PARD3B: variants seen among roughly 807,000 people sequenced by gnomAD.
PARD3B encodes the protein par-3 family cell polarity regulator beta.
PARD3B carries 103 observed loss-of-function variants against 130.2 expected under a neutral mutation model. The observed-to-expected ratio is 0.79, with a 90% confidence interval of 0.67 to 0.93. The LOEUF (loss-of-function observed/expected upper bound fraction) is 0.93. Among genes scored for constraint, PARD3B ranks in the 40% least tolerant of loss-of-function variants. PARD3B has a pLI of 0.00. For synonymous variants in PARD3B, 583 were observed against 553.2 expected, an observed-to-expected ratio of 1.05 and a Z score of -0.76; for missense variants, 1,609 against 1,499.2, an observed-to-expected ratio of 1.07 and a Z score of -1.21.
chr2:205,358,662 C>T (rs960246712), intron 18 of PARD3B, among the ~76,000 whole-genome samples: 1 of 152,150 alleles, frequency 6.6e-6, no homozygotes, highest in Non-Finnish European at 1.5e-5. Flanking sequence ...CAGATTTAAC[C>T]CTTCCTGACA....
At position 205,021,650 on chromosome 2, in the gene PARD3B, C is replaced by A. The variant is rs13396937; in HGVS notation, c.395-25931C>A. On this transcript the variant is annotated intron_variant, in intron 3 of 22. Transcript: ENST00000406610. The surrounding 1 kb of genome is among the most constrained non-coding windows in gnomAD (Gnocchi z 4.5). ...TCTCTTTCTCTCTCTCTCTCTCTCT[C>A]TATATATATATATATAGTTAATCTT... Among the ~76,000 whole-genome samples, 8,700 of 98,100 alleles carry A rather than the reference C, an allele frequency of 0.089. 280 individuals are homozygous for A. The highest frequency in any genetic ancestry group is 0.12 in the African/African-American group (3,736 of 31,056). 64.4% of individuals were successfully genotyped at this position (98,100 alleles called of 152,430 possible).
Position 204,568,780 on chromosome 2 carries a change from C to T in PARD3B, c.120+22661C>T, listed in dbSNP as rs146083965. On this transcript the variant is annotated intron_variant, in intron 1 of 22. Transcript: ENST00000406610. ...GACCAACCTGGCCAATATGGTGAAACCCTGTCTCTACTAAAAATACAAAAA... is the reference window on the plus strand; with the variant it reads ...GACCAACCTGGCCAATATGGTGAAATCCTGTCTCTACTAAAAATACAAAAA... 8.5e-3 allele frequency among the ~76,000 whole-genome samples: 1,293 copies of T among 152,000 alleles called. 14 individuals are homozygous for T. The highest frequency in any genetic ancestry group is 0.03 in the African/African-American group (1,259 of 41,430).
intron 4 of PARD3B, among the ~76,000 whole-genome samples, chr2:205,087,085 A>AT (rs1407342367): frequency 1.3e-5 from 2 of 152,108 alleles, no homozygotes; most frequent in African/African-American, 4.8e-5. Flanking sequence ...AAGCATTTTT[A>AT]TTTTTTCATA....
intron 12 of PARD3B, among the ~76,000 whole-genome samples, chr2:205,173,423 C>A (rs6435273): frequency 0.03 from 4,501 of 152,206 alleles, 112 homozygotes; most frequent in African/African-American, 0.066. Context: ...GCTTGGTATT[C>A]ATAGATGACA....
At chr2:204,854,755 T>C (rs1356302723) in intron 2 of PARD3B, among the ~76,000 whole-genome samples, 6 of 152,106 alleles carry the variant, frequency 3.9e-5, no homozygotes, top group African/African-American at 9.7e-5. Context: ...AATATTAGTC[T>C]CATCATAAAG....
intron 19 of PARD3B, among the ~76,000 whole-genome samples, chr2:205,406,378 TA>T (rs1048737933): frequency 6.6e-6 from 1 of 152,148 alleles, no homozygotes; most frequent in African/African-American, 2.4e-5. Context: ...GAAAAGTCCT[TA>T]AAATTAGGGT....
At chr2:204,710,803 T>C (rs1037355244) in intron 2 of PARD3B, among the ~76,000 whole-genome samples, 17 of 152,218 alleles carry the variant, frequency 1.1e-4, no homozygotes, top group African/African-American at 3.4e-4. Flanking sequence ...TTTACTGTTA[T>C]GTAGTTTTTG....
At chr2:205,605,646 G>T (rs2054965413) in intron 22 of PARD3B, among the ~76,000 whole-genome samples, 1 of 152,180 alleles carries the variant, frequency 6.6e-6, no homozygotes, top group South Asian at 2.1e-4. Context: ...TCCCAGAGGG[G>T]CATCGACCTG....
chr2:205,396,484 T>C (rs1376147338), intron 18 of PARD3B, among the ~76,000 whole-genome samples: 1 of 152,136 alleles, frequency 6.6e-6, no homozygotes, highest in Non-Finnish European at 1.5e-5. Flanking sequence ...TCTATAGAAA[T>C]GAACAGAGAA....
intron 10 of PARD3B, among the ~76,000 whole-genome samples, chr2:205,127,906 G>A (rs2031618809): frequency 6.6e-6 from 1 of 152,126 alleles, no homozygotes; most frequent in Admixed American, 6.5e-5. Context: ...CTAAAATACA[G>A]ATGGATTCTT....
intron 2 of PARD3B, among the ~76,000 whole-genome samples, chr2:204,705,550 A>G (rs2038101021): frequency 6.6e-6 from 1 of 150,674 alleles, no homozygotes; most frequent in Admixed American, 6.6e-5. Flanking sequence ...AGCATGAAGT[A>G]CTAGAAAATA....
intron 15 of PARD3B, among the ~76,000 whole-genome samples, chr2:205,203,511 T>A (rs2037104957): frequency 6.6e-6 from 1 of 152,114 alleles, no homozygotes; most frequent in African/African-American, 2.4e-5. Flanking sequence ...CATGCAGGTT[T>A]GTTAAATAGG....
At chr2:205,414,523 A>T (rs773299913) in intron 19 of PARD3B, among the ~76,000 whole-genome samples, 1 of 152,294 alleles carries the variant, frequency 6.6e-6, no homozygotes, top group South Asian at 2.1e-4. Flanking sequence ...TTTTGAAAGT[A>T]TAGTGGCCTC....
chr2:205,060,720 A>T (rs1332737018), intron 4 of PARD3B, among the ~76,000 whole-genome samples: 1 of 152,170 alleles, frequency 6.6e-6, no homozygotes, highest in Non-Finnish European at 1.5e-5. Context: ...TAATTACTAA[A>T]TTTTCTATGT....
chr2:205,502,247 A>C (rs1427425736), intron 21 of PARD3B, among the ~76,000 whole-genome samples: 1 of 152,106 alleles, frequency 6.6e-6, no homozygotes, highest in Non-Finnish European at 1.5e-5. Context: ...CAAGTTAAGA[A>C]AGTTAACATT....
chr2:205,013,522 T>G (rs1032896726), intron 3 of PARD3B, among the ~76,000 whole-genome samples: 1 of 152,220 alleles, frequency 6.6e-6, no homozygotes, highest in Admixed American at 6.5e-5. Context: ...GGCTGCACCT[T>G]TGTTGTGGAG....
intron 22 of PARD3B, among the ~76,000 whole-genome samples, chr2:205,579,452 G>A (rs1475628233): frequency 2.0e-5 from 3 of 152,138 alleles, no homozygotes; most frequent in South Asian, 2.1e-4. Context: ...TGTCTGTGCC[G>A]ACAGGGAAGG....
Position 205,121,608 on chromosome 2 carries a change from G to A in PARD3B, c.824G>A (p.Arg275His), listed in dbSNP as rs763912074. The A allele has an allele frequency of 1.2e-5, 19 of 1,612,530 alleles. No individual in the cohort carries two copies. Among genetic ancestry groups the A allele is most frequent in the East Asian group, 1.1e-4 (5 of 44,850 alleles). ...KTFAQAQDVF[R>H]QAMKSPSVLL... ...CTTTCCAGGGCTCAAGATGTCTTCC[G>A]CCAGGCAATGAAATCTCCAAGTGTG... is the stretch of plus-strand genomic sequence containing the variant. The change falls in exon 8 of 23, where the codon CGC (arginine) becomes CAC (histidine). Residue 275 changes from arginine to histidine, a missense_variant. Transcript: ENST00000406610. This position sits in a 1 kb window ranked among gnomAD's most constrained non-coding sequence, Gnocchi z 5.0.
intron 3 of PARD3B, among the ~76,000 whole-genome samples, chr2:205,012,749 A>G (rs999820876): frequency 2.0e-5 from 3 of 152,230 alleles, no homozygotes. Context: ...TTCAGTGTTT[A>G]AACCTGCCTG....
Sources: gnomAD v4.1 joint callset for allele counts (sites outside exome capture counted in the v4.1 genomes callset) on GRCh38, gnomAD v4.1.1 for gene constraint, Gnocchi (gnomAD v3.1) non-coding constraint, MANE v1.5 for transcripts, NCBI Gene and HGNC (gene_info 2026-07-23, HGNC 2026-07-21) for gene names.